The following KMT5C variants were observed in gnomAD, a reference collection of about 807,000 sequenced individuals.
The protein encoded by KMT5C is lysine methyltransferase 5C.
A neutral mutation model predicts 38.2 loss-of-function variants in KMT5C; 16 were observed. That is an observed-to-expected ratio of 0.42 (90% confidence interval 0.28 to 0.64). The LOEUF is 0.64. KMT5C is among the 30% of genes least tolerant of loss of function. The probability of loss-of-function intolerance (pLI) is 0.23; values close to 1 mark genes in which losing one functional copy is unlikely to be tolerated. For synonymous variants in KMT5C, 291 were observed against 279.0 expected (o/e 1.04, Z -0.43); for missense variants, 598 against 665.1 (o/e 0.90, Z 1.11).
chr19:55,344,464 AAGG>A, intron 6 of KMT5C: 1 of 349,870 alleles, frequency 2.9e-6, no homozygotes, highest in Non-Finnish European at 5.7e-6. Context: ...GGCTACCAGA[AAGG>A]AGGAAGGGGT....
rs1897247578 is a variant in KMT5C at position 55,347,987 on chromosome 19, C to T, written c.*538C>T. On this transcript the variant is annotated 3_prime_UTR_variant, in exon 9 of 9. Transcript: ENST00000255613. The surrounding 1 kb of genome is among the most constrained non-coding windows in gnomAD (Gnocchi z 4.6). Reference sequence around the variant, plus strand: ...GTCTCAGGGAGGCCGGGTGTGACCTCATCTTTCTCATGGTGCTATCCTGGT... The same window carrying T: ...GTCTCAGGGAGGCCGGGTGTGACCTTATCTTTCTCATGGTGCTATCCTGGT... 1 of 153,632 alleles carries T rather than the reference C, an allele frequency of 6.5e-6. No homozygotes were observed. The highest frequency in any genetic ancestry group is 6.5e-5 in the Admixed American group (1 of 15,302). 9.5% of individuals were successfully genotyped at this position (153,632 alleles called of 1,614,324 possible).
At position 55,343,251 on chromosome 19, in the gene KMT5C, TC is replaced by T. The variant is rs1380039226; in HGVS notation, c.386+403del. On this transcript the variant is annotated intron_variant, in intron 4 of 8. Coordinates refer to ENST00000255613, the MANE Select transcript of KMT5C (RefSeq NM_032701.4). This position sits in a 1 kb window ranked among gnomAD's most constrained non-coding sequence, Gnocchi z 5.5. ...AGACAAGTCAACATGCAGTCACTGG[TC>T]CCAGCTGGTACATGCTGCAGGGGAG... 3 of 307,206 alleles carry T rather than the reference TC, an allele frequency of 9.8e-6. No individual in the cohort carries two copies. In the East Asian group the frequency reaches 2.2e-4, roughly 22 times the overall value. 19.0% of individuals were successfully genotyped at this position (307,206 alleles called of 1,614,324 possible).
At chr19:55,340,686 C>T (rs556703167) in intron 1 of KMT5C, among the ~76,000 whole-genome samples, 34 of 152,118 alleles carry the variant, frequency 2.2e-4, no homozygotes, top group Non-Finnish European at 4.0e-4. Context: ...GGATCTTCTC[C>T]GCCATCCCTG....
chr19:55,346,975 C>T lies in KMT5C; in HGVS notation c.915C>T (p.Arg305=), dbSNP rs756154659. The change falls in exon 9 of 9, where the codon CGC becomes CGT. Residue 305 remains arginine, a synonymous_variant. Transcript: ENST00000255613. ...DPFCAACQPL[R]LPACSARPDT... is the part of the protein sequence containing the mutation. ...TCACAGCCGCCTGCCAGCCCCTGCG[C>T]CTGCCAGCCTGCAGCGCCCGCCCAG... The T allele has an allele frequency of 3.5e-5, 38 of 1,072,186 alleles. No homozygotes were observed. The South Asian group carries it at 4.1e-4, about 12-fold the overall frequency. 66.4% of individuals were successfully genotyped at this position (1,072,186 alleles called of 1,614,324 possible).
Position 55,347,038 on chromosome 19 carries a change from C to T in KMT5C, c.978C>T (p.Pro326=). The part of the protein sequence containing the change: ...SPLWLQWLPQ[P]QPRVRPRKRR... The stretch of plus-strand genomic sequence containing the variant: ...TCTGGCTCCAGTGGCTGCCTCAGCC[C>T]CAGCCCCGAGTGCGGCCCCGGAAGC... The change falls in exon 9 of 9, where the codon CCC becomes CCT. Residue 326 remains proline (P), a synonymous_variant. Coordinates refer to ENST00000255613, the MANE Select transcript of KMT5C (RefSeq NM_032701.4). The surrounding 1 kb of genome is among the most constrained non-coding windows in gnomAD (Gnocchi z 4.6). 3.3e-6 allele frequency: 5 copies of T among 1,531,646 alleles called. No individual in the cohort carries two copies. Among genetic ancestry groups the T allele is most frequent in the Non-Finnish European group, 4.5e-6 (5 of 1,121,488 alleles). 94.9% of individuals were successfully genotyped at this position (1,531,646 alleles called of 1,614,324 possible).
rs1294167838 is a variant in KMT5C, at chr19:55,344,778, A to G, written c.570+781A>G. On this transcript the variant is annotated intron_variant, in intron 6 of 8. Transcript: ENST00000255613. Reference sequence around the variant, plus strand: ...CTGTAGCCCGGAAGCAGAAGGAATCAGGAGGGTTGGCTCCAGGGCGGCATT... The same window carrying G: ...CTGTAGCCCGGAAGCAGAAGGAATCGGGAGGGTTGGCTCCAGGGCGGCATT... 7 of 527,852 alleles carry G rather than the reference A, an allele frequency of 1.3e-5. No individual in the cohort carries two copies. In the Admixed American group the frequency reaches 1.4e-4, roughly 10 times the overall value. The allele number at this position is 527,852 out of a possible 1,614,324, so 32.7% of individuals were successfully genotyped here.
In KMT5C at chr19:55,343,138, C is replaced by T. The variant is rs549795494; in HGVS notation, c.386+287C>T. On this transcript the variant is annotated intron_variant, in intron 4 of 8. Coordinates refer to ENST00000255613, the MANE Select transcript of KMT5C (RefSeq NM_032701.4). The surrounding 1 kb of genome is among the most constrained non-coding windows in gnomAD (Gnocchi z 5.5). ...CCTTACCTCCTTGTGACCTGAGCCC[C>T]CACCACATGTTAAACACCCCTGAGT... The T allele has an allele frequency of 2.3e-4, 88 of 375,526 alleles. No homozygotes were observed. Among genetic ancestry groups the T allele is most frequent in the Admixed American group, 1.9e-3 (47 of 25,110 alleles). The allele number at this position is 375,526 out of a possible 1,614,324, so 23.3% of individuals were successfully genotyped here.
At chr19:55,345,360 T>A (rs1331696237) in intron 6 of KMT5C, among the ~76,000 whole-genome samples, 15 of 151,886 alleles carry the variant, frequency 9.9e-5, no homozygotes, top group Non-Finnish European at 1.5e-5. Context: ...GGGTGTATAA[T>A]GGGAAGCTTG....
chr19:55,343,620 C>G lies in KMT5C; in HGVS notation c.387-60C>G. ...GCCTCTGTGCCGGAGGCCCGAGTCC[C>G]CTGAACACCTGCAGGAGGCCAGGCA... On this transcript the variant is annotated intron_variant, in intron 4 of 8. Transcript: ENST00000255613. The surrounding 1 kb of genome is among the most constrained non-coding windows in gnomAD (Gnocchi z 5.5). The G allele has an allele frequency of 6.5e-7, 1 of 1,530,230 alleles. No homozygotes were observed. Among genetic ancestry groups the G allele is most frequent in the South Asian group, 1.2e-5 (1 of 83,578 alleles). The allele number at this position is 1,530,230 out of a possible 1,614,324, so 94.8% of individuals were successfully genotyped here.
chr19:55,346,842 C>A, intron 8 of KMT5C, 114 bp from the exon 9 acceptor site: 1 of 560,146 alleles, frequency 1.8e-6, no homozygotes, highest in Non-Finnish European at 2.9e-6. Flanking sequence ...CCGCATCATT[C>A]CTCTGGGGAG....
In KMT5C at chr19:55,347,832, G is replaced by A; in HGVS notation, c.*383G>A. 4.8e-6 allele frequency: 1 copy of A among 208,144 alleles called. No homozygotes were observed. The highest frequency in any genetic ancestry group is 9.5e-6 in the Non-Finnish European group (1 of 105,400). The allele number at this position is 208,144 out of a possible 1,614,324, so 12.9% of individuals were successfully genotyped here. On this transcript the variant is annotated 3_prime_UTR_variant, in exon 9 of 9. Transcript: ENST00000255613. The surrounding 1 kb of genome is among the most constrained non-coding windows in gnomAD (Gnocchi z 4.6). ...GGCCTCAGGAGGAGGTGGAACTGAT[G>A]TAGGGGGTGGCACTCCCCAGAGACT...
At chr19:55,340,311 C>A (rs1054209587) in intron 1 of KMT5C, among the ~76,000 whole-genome samples, 2 of 151,484 alleles carry the variant, frequency 1.3e-5, no homozygotes, top group African/African-American at 4.9e-5. Flanking sequence ...CAGGTCTCTC[C>A]CTGCACCCTC....
Position 55,343,384 on chromosome 19 carries a change from T to G in KMT5C, c.387-296T>G. On this transcript the variant is annotated intron_variant, in intron 4 of 8. Coordinates refer to ENST00000255613, the MANE Select transcript of KMT5C (RefSeq NM_032701.4). The surrounding 1 kb of genome is among the most constrained non-coding windows in gnomAD (Gnocchi z 5.5). ...TAGGGGGTAGTCCAGGCAGGAGGGA[T>G]TTGGGGGCAGGAGGTGCTATGAGAG... The G allele has an allele frequency of 3.7e-5, 16 of 430,762 alleles. No homozygotes were observed. Among genetic ancestry groups the G allele is most frequent in the Non-Finnish European group, 4.3e-5 (10 of 233,432 alleles). The allele number at this position is 430,762 out of a possible 1,614,324, so 26.7% of individuals were successfully genotyped here.
Position 55,347,595 on chromosome 19 carries a change from A to C in KMT5C, c.*146A>C. On this transcript the variant is annotated 3_prime_UTR_variant, in exon 9 of 9. Transcript: ENST00000255613. The surrounding 1 kb of genome is among the most constrained non-coding windows in gnomAD (Gnocchi z 4.6). ...TGACCCTGGAATGGGGTTGGTTTGG[A>C]CACCCCCAGGGATCTGAGCCCTGAC... The C allele has an allele frequency of 1.5e-6, 2 of 1,320,206 alleles. No homozygotes were observed. The highest frequency in any genetic ancestry group is 4.6e-4 in the Middle Eastern group (2 of 4,376). The allele number at this position is 1,320,206 out of a possible 1,614,324, so 81.8% of individuals were successfully genotyped here.
At position 55,343,830 on chromosome 19, in the gene KMT5C, C is replaced by T. The variant is rs143946438; in HGVS notation, c.537C>T (p.Ala179=). Residue 179 remains alanine (A), a synonymous_variant, in exon 5 of 9, where the codon GCC becomes GCT. Coordinates refer to ENST00000255613, the MANE Select transcript of KMT5C (RefSeq NM_032701.4). This position sits in a 1 kb window ranked among gnomAD's most constrained non-coding sequence, Gnocchi z 5.5. Reference sequence around the variant, plus strand: ...CTCAGCTGTGGCTGGGCCCAGCCGCCTTCATCAACCATGGTGAGGGTCAGG... The same window carrying T: ...CTCAGCTGTGGCTGGGCCCAGCCGCTTTCATCAACCATGGTGAGGGTCAGG... ...RSAQLWLGPA[A]FINHDCKPNC... The T allele has an allele frequency of 1.2e-5, 19 of 1,613,650 alleles. No homozygotes were observed. The African/African-American group carries it at 1.2e-4, about 10-fold the overall frequency.
At position 55,342,969 on chromosome 19, in the gene KMT5C, G is replaced by C. The variant is rs563511112; in HGVS notation, c.386+118G>C. The C allele has an allele frequency of 4.4e-6, 3 of 688,718 alleles. No homozygotes were observed. The Admixed American group carries it at 6.4e-5, about 15-fold the overall frequency. 42.7% of individuals were successfully genotyped at this position (688,718 alleles called of 1,614,324 possible). ...GGAAAAGCGAGGGGCCTGGTCCTCC[G>C]GGCATCCTAGGAAGGTGGTGGGGCT... On this transcript the variant is annotated intron_variant, in intron 4 of 8. Transcript: ENST00000255613.
chr19:55,346,889 C>T (rs113410040), intron 8 of KMT5C, 67 bp from the exon 9 acceptor site: 40 of 774,992 alleles, frequency 5.2e-5, no homozygotes, highest in South Asian at 2.6e-4. Context: ...AGAGGAGGAC[C>T]GGCCCAGCTT....
chr19:55,345,451 G>T (rs1445878297), intron 6 of KMT5C, among the ~76,000 whole-genome samples: 3 of 152,170 alleles, frequency 2.0e-5, no homozygotes, highest in Non-Finnish European at 4.4e-5. Context: ...GCCACAAAGA[G>T]GTGATGAGGG....
chr19:55,346,933 C>T, intron 8 of KMT5C, 23 bp from the exon 9 acceptor site: 1 of 852,882 alleles, frequency 1.2e-6, no homozygotes. Context: ...TTCCTCCTCT[C>T]CCTGCCACCT....
Sources: allele counts gnomAD v4.1 joint callset (sites outside exome capture counted in the v4.1 genomes callset), GRCh38; gene constraint gnomAD v4.1.1; non-coding constraint Gnocchi (gnomAD v3.1); transcripts MANE v1.5; gene names NCBI Gene and HGNC (gene_info 2026-07-23, HGNC 2026-07-21).